The following TMEM132D variants were observed in gnomAD, a reference collection of about 807,000 sequenced individuals.
The protein encoded by TMEM132D is mature OL transmembrane protein.
Under a neutral mutation model 62.3 loss-of-function variants are expected in TMEM132D, and 21 were observed. That is an observed-to-expected ratio of 0.34 (90% CI 0.24 to 0.49). TMEM132D has a LOEUF of 0.49. Ranked by LOEUF, TMEM132D falls within the 20% of genes least tolerant of loss-of-function variation. The pLI is 0.99. For missense variants in TMEM132D, 1,346 were observed against 1,402.8 expected, an observed-to-expected ratio of 0.96 and a Z score of 0.65; for synonymous variants, 621 against 575.6, an observed-to-expected ratio of 1.08 and a Z score of -1.13.
intron 2 of TMEM132D, among the ~76,000 whole-genome samples, chr12:129,620,282 A>C (rs1322143043): frequency 3.3e-5 from 5 of 152,188 alleles, no homozygotes; most frequent in Non-Finnish European, 7.3e-5. Flanking sequence ...TTCTCCACAC[A>C]GAAGCCAAAG....
intron 2 of TMEM132D, among the ~76,000 whole-genome samples, chr12:129,604,251 G>A (rs2137145213): frequency 6.6e-6 from 1 of 152,220 alleles, no homozygotes; most frequent in African/African-American, 2.4e-5. Flanking sequence ...GGGTTGATAG[G>A]TGCAGCAACC....
chr12:129,688,644 G>A (rs1381115277), intron 2 of TMEM132D, among the ~76,000 whole-genome samples: 1 of 151,848 alleles, frequency 6.6e-6, no homozygotes, highest in Non-Finnish European at 1.5e-5. Context: ...TGGAATTATG[G>A]GGACAATGAC....
At chr12:129,739,706 T>C (rs1001833140) in intron 1 of TMEM132D, among the ~76,000 whole-genome samples, 1 of 152,224 alleles carries the variant, frequency 6.6e-6, no homozygotes, top group African/African-American at 2.4e-5. Flanking sequence ...CCCCATGGAC[T>C]GCACCAACTG....
intron 1 of TMEM132D, among the ~76,000 whole-genome samples, chr12:129,805,504 A>G (rs1273455280): frequency 6.6e-6 from 1 of 152,174 alleles, no homozygotes; most frequent in Non-Finnish European, 1.5e-5. Flanking sequence ...GAAAGCTGAA[A>G]CTGGATCCCT....
chr12:129,452,570 T>C (rs1040192089), intron 3 of TMEM132D, among the ~76,000 whole-genome samples: 1 of 152,226 alleles, frequency 6.6e-6, no homozygotes, highest in African/African-American at 2.4e-5. Flanking sequence ...GGTTATCAGG[T>C]CAGCACTAAC....
intron 2 of TMEM132D, among the ~76,000 whole-genome samples, chr12:129,677,117 G>A (rs1305196901): frequency 6.6e-6 from 1 of 152,094 alleles, no homozygotes; most frequent in Non-Finnish European, 1.5e-5. Flanking sequence ...CAGTTAATAC[G>A]GTTGGGCTGT....
intron 3 of TMEM132D, among the ~76,000 whole-genome samples, chr12:129,492,707 C>A (rs7306288): frequency 5.9e-5 from 9 of 152,130 alleles, no homozygotes; most frequent in Non-Finnish European, 1.0e-4. Context: ...CCACCTTCTT[C>A]TTTGTATTTG....
chr12:129,817,834 G>A (rs902175661), intron 1 of TMEM132D, among the ~76,000 whole-genome samples: 25 of 149,396 alleles, frequency 1.7e-4, no homozygotes, highest in African/African-American at 5.7e-4. Context: ...GTGTGTATGT[G>A]GTTTGGGGTG....
rs901331734 is a variant in TMEM132D at position 129,230,306 on chromosome 12, GA to G, written c.1300-20644del. On this transcript the variant is annotated intron_variant, in intron 4 of 8. Transcript: ENST00000422113. ...CCCTTCCTAAACTCCTTCTGTGTTG[GA>G]GGGGGGGGGCTCCCCAGCCTGGCCA... Among the ~76,000 whole-genome samples the G allele has an allele frequency of 4.1e-4, 60 of 145,998 alleles. 1 individual carries two copies. The South Asian group carries it at 9.4e-3, about 23-fold the overall frequency.
intron 4 of TMEM132D, among the ~76,000 whole-genome samples, chr12:129,258,955 C>A (rs1880480353): frequency 6.6e-6 from 1 of 152,172 alleles, no homozygotes; most frequent in South Asian, 2.1e-4. Context: ...TGAGGGAACA[C>A]TGTCAGGAAA....
chr12:129,390,545 A>T (rs1871263235), intron 3 of TMEM132D, among the ~76,000 whole-genome samples: 1 of 152,182 alleles, frequency 6.6e-6, no homozygotes, highest in Non-Finnish European at 1.5e-5. Flanking sequence ...GGCTTCAACC[A>T]TAAAGAAGAA....
At chr12:129,547,460 A>G (rs1876769385) in intron 2 of TMEM132D, among the ~76,000 whole-genome samples, 1 of 152,116 alleles carries the variant, frequency 6.6e-6, no homozygotes, top group Admixed American at 6.5e-5. Context: ...CCTAAGTGTG[A>G]CCTCATCTGA....
intron 3 of TMEM132D, among the ~76,000 whole-genome samples, chr12:129,396,352 T>C (rs1871430844): frequency 6.6e-6 from 1 of 152,158 alleles, no homozygotes; most frequent in African/African-American, 2.4e-5. Flanking sequence ...AGCCCCCACA[T>C]TGTAGACTGG....
At chr12:129,697,143 G>A (rs893623213) in intron 2 of TMEM132D, among the ~76,000 whole-genome samples, 8 of 152,266 alleles carry the variant, frequency 5.3e-5, no homozygotes, top group Admixed American at 4.6e-4. Flanking sequence ...AACTCAAACC[G>A]TAGCTGCTGC....
chr12:129,306,136 T>C (rs1351830617), intron 4 of TMEM132D, among the ~76,000 whole-genome samples: 1 of 152,176 alleles, frequency 6.6e-6, no homozygotes, highest in East Asian at 1.9e-4. Context: ...GTTACAATGC[T>C]TATTATAACC....
intron 5 of TMEM132D, among the ~76,000 whole-genome samples, chr12:129,206,232 C>T (rs563710568): frequency 6.6e-6 from 1 of 152,250 alleles, no homozygotes; most frequent in African/African-American, 2.4e-5. Flanking sequence ...TATCCCGCAC[C>T]TGTAAGGAAA....
chr12:129,563,723 G>A (rs1368178941), intron 2 of TMEM132D, among the ~76,000 whole-genome samples: 2 of 152,182 alleles, frequency 1.3e-5, no homozygotes, highest in Non-Finnish European at 1.5e-5. Flanking sequence ...GGGAAGACAA[G>A]AGGGAGGGTC....
chr12:129,289,547 T>TAAAAAAAAAAAAAAAAAAAAAAAAAAA (rs59709658), intron 4 of TMEM132D, among the ~76,000 whole-genome samples: 1 of 92,200 alleles, frequency 1.1e-5, no homozygotes, highest in African/African-American at 3.8e-5. Flanking sequence ...TCCATCTCAA[T>TAAAAAAAAAAAAAAAAAAAAAAAAAAA]AAAAAAAAAA....
intron 2 of TMEM132D, among the ~76,000 whole-genome samples, chr12:129,657,803 A>G (rs1880130054): frequency 6.6e-6 from 1 of 152,244 alleles, no homozygotes; most frequent in African/African-American, 2.4e-5. Context: ...CAGGTCACTG[A>G]GAATGTTTAA....
Sources: allele counts gnomAD v4.1 joint callset (sites outside exome capture counted in the v4.1 genomes callset), GRCh38; gene constraint gnomAD v4.1.1; transcripts MANE v1.5; gene names NCBI Gene and HGNC (gene_info 2026-07-23, HGNC 2026-07-21).